The following DPP10 variants were observed in gnomAD, a reference collection of about 807,000 sequenced individuals.
DPP10 encodes dipeptidyl peptidase like 10.
In DPP10, 33 loss-of-function variants were observed where a neutral mutation model predicts 120.9. The ratio of observed to expected loss-of-function variants is 0.27; its 90% confidence interval spans 0.21 to 0.37. The LOEUF (loss-of-function observed/expected upper bound fraction) is 0.37. Ranked by LOEUF, DPP10 falls within the 10% of genes least tolerant of loss-of-function variation. The pLI is 1.00. For synonymous variants in DPP10, 337 were observed against 326.1 expected (o/e 1.03, Z -0.36); for missense variants, 816 against 942.8 (o/e 0.87, Z 1.76).
intron 1 of DPP10, among the ~76,000 whole-genome samples, chr2:114,757,092 A>AAAGG (rs1679823455): frequency 6.7e-6 from 1 of 149,712 alleles, no homozygotes; most frequent in South Asian, 2.2e-4. Flanking sequence ...GAGAGGGAGT[A>AAAGG]AAGGAAGGAA....
intron 1 of DPP10, among the ~76,000 whole-genome samples, chr2:115,186,151 C>T (rs2054420283): frequency 6.6e-6 from 1 of 152,190 alleles, no homozygotes; most frequent in South Asian, 2.1e-4. Context: ...TATTCCCTCA[C>T]TCTCATCACT....
At chr2:115,444,512 GA>G (rs1000470557) in intron 3 of DPP10, among the ~76,000 whole-genome samples, 1 of 152,162 alleles carries the variant, frequency 6.6e-6, no homozygotes, top group Non-Finnish European at 1.5e-5. Context: ...TTCTTTCCAA[GA>G]AGTGCTGAGT....
rs1690990982 is a variant in DPP10, at chr2:114,586,480, C to T, written c.60+143642C>T. 3.3e-5 allele frequency among the ~76,000 whole-genome samples: 5 copies of T among 152,280 alleles called. No individual in the cohort carries two copies. The South Asian group carries it at 1.0e-3, about 32-fold the overall frequency. On this transcript the variant is annotated intron_variant, in intron 1 of 25. Transcript: ENST00000410059. ...TCTTTTCTATAAATTGGGAAATAAA[C>T]TAGTACCAGCACATAAATTATGAAT...
At chr2:114,610,092 G>GGT (rs1693160269) in intron 1 of DPP10, among the ~76,000 whole-genome samples, 1 of 152,188 alleles carries the variant, frequency 6.6e-6, no homozygotes. Flanking sequence ...AACACTTCAA[G>GGT]GAAGTTAATA....
chr2:115,367,113 T>C (rs1163711963), intron 3 of DPP10, among the ~76,000 whole-genome samples: 1 of 152,036 alleles, frequency 6.6e-6, no homozygotes, highest in Non-Finnish European at 1.5e-5. Context: ...CTTTAAGTAG[T>C]ACCTAAGCAG....
intron 1 of DPP10, among the ~76,000 whole-genome samples, chr2:114,684,653 C>T (rs1699252227): frequency 6.6e-6 from 1 of 151,776 alleles, no homozygotes; most frequent in Non-Finnish European, 1.5e-5. Flanking sequence ...TCTGCTCTCC[C>T]ATTTGCCACA....
At chr2:114,900,804 A>G (rs1267481700) in intron 1 of DPP10, among the ~76,000 whole-genome samples, 1 of 152,194 alleles carries the variant, frequency 6.6e-6, no homozygotes, top group Non-Finnish European at 1.5e-5. Context: ...AATACTATCT[A>G]TGTAATCTTC....
At chr2:114,492,071 G>T (rs984707145) in intron 1 of DPP10, among the ~76,000 whole-genome samples, 4 of 152,082 alleles carry the variant, frequency 2.6e-5, no homozygotes, top group Non-Finnish European at 5.9e-5. Flanking sequence ...CTTGTATAGG[G>T]TTATATATAT....
chr2:115,030,260 T>C (rs1477640091), intron 1 of DPP10, among the ~76,000 whole-genome samples: 2 of 152,164 alleles, frequency 1.3e-5, no homozygotes, highest in Admixed American at 6.5e-5. Context: ...TTTTATTTGG[T>C]TTCTTACTTT....
At chr2:115,463,226 T>G (rs1172523638) in intron 3 of DPP10, among the ~76,000 whole-genome samples, 1 of 152,176 alleles carries the variant, frequency 6.6e-6, no homozygotes, top group Non-Finnish European at 1.5e-5. Context: ...GTAAGTTCTT[T>G]GCAGAGCATT....
intron 3 of DPP10, among the ~76,000 whole-genome samples, chr2:115,363,397 G>C (rs898809512): frequency 1.1e-4 from 16 of 152,206 alleles, no homozygotes; most frequent in Admixed American, 1.0e-3. Flanking sequence ...AGGATTGCCT[G>C]CTCTCCTCAG....
At chr2:115,293,088 T>G (rs1266921281) in intron 1 of DPP10, among the ~76,000 whole-genome samples, 1 of 152,056 alleles carries the variant, frequency 6.6e-6, no homozygotes, top group Non-Finnish European at 1.5e-5. Context: ...CAGATTCACA[T>G]TAACCAAGGG....
At chr2:115,442,362 T>TG (rs1457752965) in intron 3 of DPP10, among the ~76,000 whole-genome samples, 3 of 139,472 alleles carry the variant, frequency 2.2e-5, no homozygotes, top group South Asian at 2.2e-4. Context: ...TGTGTGTGTG[T>TG]TTGTGTGTGT....
intron 1 of DPP10, among the ~76,000 whole-genome samples, chr2:115,027,897 G>A (rs1307042019): frequency 6.6e-6 from 1 of 151,986 alleles, no homozygotes; most frequent in Non-Finnish European, 1.5e-5. Flanking sequence ...GTTTATTGGT[G>A]TATAGTTGTT....
intron 21 of DPP10, among the ~76,000 whole-genome samples, chr2:115,821,993 C>T (rs1443476494): frequency 6.6e-6 from 1 of 151,824 alleles, no homozygotes; most frequent in Non-Finnish European, 1.5e-5. Context: ...TTTTAGGAAC[C>T]ATATAGGAGA....
intron 1 of DPP10, among the ~76,000 whole-genome samples, chr2:114,581,721 A>G (rs186808718): frequency 6.6e-6 from 1 of 152,308 alleles, no homozygotes; most frequent in African/African-American, 2.4e-5. Flanking sequence ...TACATTTTAT[A>G]TCTGTGTAAA....
intron 1 of DPP10, among the ~76,000 whole-genome samples, chr2:114,836,673 A>C (rs1439000791): frequency 6.6e-6 from 1 of 152,140 alleles, no homozygotes; most frequent in Non-Finnish European, 1.5e-5. Context: ...ACAGGGTTTG[A>C]GAGCAGACAA....
chr2:115,701,513 A>T (rs1200101203), intron 7 of DPP10, among the ~76,000 whole-genome samples: 2 of 152,130 alleles, frequency 1.3e-5, no homozygotes, highest in Admixed American at 1.3e-4. Flanking sequence ...AAGTTTGAAG[A>T]TATTGGAAGG....
At chr2:114,765,114 C>A (rs568542323) in intron 1 of DPP10, among the ~76,000 whole-genome samples, 2 of 152,246 alleles carry the variant, frequency 1.3e-5, no homozygotes, top group Admixed American at 1.3e-4. Flanking sequence ...TAACATGGCA[C>A]ATTTTCATTT....
Sources: allele counts gnomAD v4.1 joint callset (sites outside exome capture counted in the v4.1 genomes callset), GRCh38; gene constraint gnomAD v4.1.1; transcripts MANE v1.5; gene names NCBI Gene and HGNC (gene_info 2026-07-23, HGNC 2026-07-21).